MIPOL1: variants seen among roughly 807,000 people sequenced by gnomAD.
MIPOL1 encodes the protein mirror-image polydactyly gene 1 protein.
A neutral mutation model predicts 60.9 loss-of-function variants in MIPOL1; 57 were observed. The ratio of observed to expected loss-of-function variants is 0.94; its 90% CI spans 0.76 to 1.17. The LOEUF (loss-of-function observed/expected upper bound fraction) is 1.17, where lower values mean the gene tolerates loss of function less well. Ranked by LOEUF, MIPOL1 falls within the 50% of genes most tolerant of loss-of-function variation. The pLI is 0.00. For synonymous variants in MIPOL1, 179 were observed against 168.8 expected (o/e 1.06, Z -0.47); for missense variants, 551 against 511.6 (o/e 1.08, Z -0.74).
chr14:37,301,287 T>G (rs2086292973), intron 7 of MIPOL1, among the ~76,000 whole-genome samples: 1 of 15,506 alleles, frequency 6.4e-5, no homozygotes, highest in African/African-American at 8.1e-5. Flanking sequence ...ACCACACTGT[T>G]TATTCTAGCC....
intron 10 of MIPOL1, among the ~76,000 whole-genome samples, chr14:37,371,792 T>C (rs1382240851): frequency 6.6e-6 from 1 of 152,154 alleles, no homozygotes; most frequent in African/African-American, 2.4e-5. Context: ...AAAATTACTC[T>C]TACCTTCCAG....
intron 7 of MIPOL1, among the ~76,000 whole-genome samples, chr14:37,297,092 A>G (rs570151715): frequency 6.6e-6 from 1 of 152,328 alleles, no homozygotes; most frequent in Admixed American, 6.5e-5. Flanking sequence ...CAGCACATCA[A>G]AGAACTTATC....
At chr14:37,454,415 TG>T in intron 11 of MIPOL1, among the ~76,000 whole-genome samples, 1 of 152,250 alleles carries the variant, frequency 6.6e-6, no homozygotes, top group Non-Finnish European at 1.5e-5. Flanking sequence ...ACCTTATTTT[TG>T]GCAGTCCTTT....
intron 3 of MIPOL1, chr14:37,265,281 G>C (rs1213969841): frequency 6.6e-6 from 1 of 152,094 alleles, no homozygotes; most frequent in Non-Finnish European, 1.5e-5. Flanking sequence ...GAGTCTTCCA[G>C]GTGAGCATTA....
At chr14:37,248,134 A>G (rs1973472057) in intron 3 of MIPOL1, among the ~76,000 whole-genome samples, 1 of 151,958 alleles carries the variant, frequency 6.6e-6, no homozygotes, top group South Asian at 2.1e-4. Context: ...ACACATGCAC[A>G]CAGAGGAGAC....
chr14:37,315,285 A>C (rs1160477067), intron 9 of MIPOL1, among the ~76,000 whole-genome samples: 3 of 152,206 alleles, frequency 2.0e-5, no homozygotes, highest in Non-Finnish European at 4.4e-5. Context: ...TAAAGTGTCA[A>C]ATCAAATGTG....
chr14:37,393,374 A>G (rs1050733516), intron 10 of MIPOL1, among the ~76,000 whole-genome samples: 6 of 128,272 alleles, frequency 4.7e-5, no homozygotes, highest in Non-Finnish European at 7.9e-5. Flanking sequence ...TTTCCAAAAA[A>G]CTAAGGTTTT....
At chr14:37,309,167 C>T (rs1304355269) in intron 9 of MIPOL1, among the ~76,000 whole-genome samples, 1 of 150,658 alleles carries the variant, frequency 6.6e-6, no homozygotes, top group Non-Finnish European at 1.5e-5. Flanking sequence ...TTGGTATCAC[C>T]TTGTTTCCCA....
rs114006570 is a variant in MIPOL1, at chr14:37,247,527, C to T, written c.-61+287C>T. Among the ~76,000 whole-genome samples the T allele has an allele frequency of 4.3e-3, 655 of 151,826 alleles. 4 individuals carry two copies. The highest frequency in any genetic ancestry group is 0.015 in the African/African-American group (631 of 41,452). Reference sequence around the variant, plus strand: ...AGTAAAAATGTATTTTTCTTAAATGCTTAAAATTGTAGTTGAAGAAGATTT... The same window carrying T: ...AGTAAAAATGTATTTTTCTTAAATGTTTAAAATTGTAGTTGAAGAAGATTT... On this transcript the variant is annotated intron_variant, in intron 2 of 12. Transcript: ENST00000684589.
At chr14:37,341,156 T>A (rs561237947) in intron 9 of MIPOL1, among the ~76,000 whole-genome samples, 1 of 152,198 alleles carries the variant, frequency 6.6e-6, no homozygotes, top group East Asian at 1.9e-4. Flanking sequence ...TGTTAAGCAA[T>A]GTATTCCTGT....
intron 11 of MIPOL1, among the ~76,000 whole-genome samples, chr14:37,498,026 A>C (rs948771981): frequency 1.3e-5 from 2 of 152,242 alleles, no homozygotes; most frequent in Non-Finnish European, 2.9e-5. Context: ...AAGTTACGGC[A>C]TATGTATATA....
intron 11 of MIPOL1, among the ~76,000 whole-genome samples, chr14:37,478,629 G>GA (rs199705017): frequency 0.016 from 2,440 of 149,832 alleles, 31 homozygotes; most frequent in Non-Finnish European, 0.026. Context: ...GTGGCTGAAT[G>GA]AAAAAAAAAC....
chr14:37,503,738 T>G (rs2095248011), intron 12 of MIPOL1: 1 of 152,144 alleles, frequency 6.6e-6, no homozygotes, highest in South Asian at 2.1e-4. Context: ...AACGACAGGT[T>G]CAAATTCACT....
At chr14:37,505,817 C>T (rs914481271) in intron 12 of MIPOL1, 3 of 152,152 alleles carry the variant, frequency 2.0e-5, no homozygotes, top group Admixed American at 6.6e-5. Flanking sequence ...GTCAAATTGT[C>T]CCTGTTTGCA....
intron 9 of MIPOL1, among the ~76,000 whole-genome samples, chr14:37,361,044 A>G (rs981891565): frequency 6.6e-6 from 1 of 152,194 alleles, no homozygotes; most frequent in African/African-American, 2.4e-5. Flanking sequence ...GTTTCAAAGA[A>G]CATCTTTGTT....
intron 9 of MIPOL1, among the ~76,000 whole-genome samples, chr14:37,351,182 G>A (rs1399471231): frequency 6.9e-6 from 1 of 145,732 alleles, no homozygotes; most frequent in East Asian, 2.0e-4. Context: ...TCTTGCGATA[G>A]TTTACTGAGA....
intron 1 of MIPOL1, among the ~76,000 whole-genome samples, chr14:37,246,352 G>C (rs78790640): frequency 0.011 from 1,698 of 152,072 alleles, 16 homozygotes; most frequent in Non-Finnish European, 0.016. Flanking sequence ...AGCTTTATTG[G>C]ACAAATCATT....
chr14:37,461,821 G>A (rs1566647647), intron 11 of MIPOL1, among the ~76,000 whole-genome samples: 1 of 152,188 alleles, frequency 6.6e-6, no homozygotes, highest in Admixed American at 6.5e-5. Context: ...CAAGAGGTAG[G>A]TTCCCAGAGT....
chr14:37,446,755 T>A lies in MIPOL1; in HGVS notation c.1031+23806T>A, dbSNP rs2094341916. Reference sequence around the variant, plus strand: ...GATACTATGCAGCCATAAAAAATGATGAGTTCATGTCCTTTGTAGGGACAT... The same window carrying A: ...GATACTATGCAGCCATAAAAAATGAAGAGTTCATGTCCTTTGTAGGGACAT... On this transcript the variant is annotated intron_variant, in intron 11 of 12. Transcript: ENST00000684589. 1.3e-5 allele frequency among the ~76,000 whole-genome samples: 2 copies of A among 152,124 alleles called. 1 individual carries two copies. Among genetic ancestry groups the A allele is most frequent in the Admixed American group, 1.3e-4 (2 of 15,264 alleles).
Sources: allele counts gnomAD v4.1 joint callset (sites outside exome capture counted in the v4.1 genomes callset), GRCh38; gene constraint gnomAD v4.1.1; transcripts MANE v1.5; gene names NCBI Gene and HGNC (gene_info 2026-07-23, HGNC 2026-07-21).